Variants in SRCIN1 observed in about 807,000 individuals in gnomAD.
The protein encoded by SRCIN1 is SRC kinase signaling inhibitor 1, also known as P130Cas-associated protein.
In SRCIN1, 50 loss-of-function variants were observed where a neutral mutation model predicts 116.2. The ratio of observed to expected loss-of-function variants is 0.43; its 90% confidence interval spans 0.34 to 0.54. The LOEUF (loss-of-function observed/expected upper bound fraction) is 0.54. Among genes scored for constraint, SRCIN1 ranks in the 20% least tolerant of loss-of-function variants. The pLI is 0.02. For synonymous variants in SRCIN1, 736 were observed against 750.0 expected (o/e 0.98, Z 0.30); for missense variants, 1,446 against 1,672.0 (o/e 0.86, Z 2.36).
intron 2 of SRCIN1, among the ~76,000 whole-genome samples, chr17:38,577,561 C>A (rs1329456125): frequency 2.0e-5 from 3 of 152,222 alleles, no homozygotes; most frequent in Non-Finnish European, 4.4e-5. Context: ...GACACACCCC[C>A]AGGCTTGACT....
intron 3 of SRCIN1, among the ~76,000 whole-genome samples, chr17:38,567,705 C>A (rs1429920380): frequency 6.6e-6 from 1 of 152,130 alleles, no homozygotes; most frequent in African/African-American, 2.4e-5. Flanking sequence ...CTTAGCCCTC[C>A]ACTTAGACAA....
intron 2 of SRCIN1, 25 bp downstream of exon 2, chr17:38,578,465 C>T: frequency 4.8e-6 from 7 of 1,457,684 alleles, no homozygotes; most frequent in Non-Finnish European, 6.5e-6. Flanking sequence ...GCCGCAGCCG[C>T]AGCCGCAGCC....
In SRCIN1 at chr17:38,544,171, AG is replaced by A. The variant is rs1483084193; in HGVS notation, c.3271-203del. On this transcript the variant is annotated intron_variant, in intron 17 of 18. Coordinates refer to ENST00000617146, the MANE Select transcript of SRCIN1 (RefSeq NM_025248.3). This position sits in a 1 kb window ranked among gnomAD's most constrained non-coding sequence, Gnocchi z 4.5. ...CCCACTTATGGTCTCCCTGCAGGAG[AG>A]GGGTGGGGCCCAAGCCAGTTTCCCA... Among the ~76,000 whole-genome samples the A allele has an allele frequency of 6.6e-6, 1 of 151,924 alleles. No individual in the cohort carries two copies. Among genetic ancestry groups the A allele is most frequent in the Non-Finnish European group, 1.5e-5 (1 of 67,950 alleles).
chr17:38,535,270 G>T (rs1269525197), intron 18 of SRCIN1, among the ~76,000 whole-genome samples: 5 of 147,892 alleles, frequency 3.4e-5, no homozygotes, highest in African/African-American at 1.3e-4. Flanking sequence ...GTACAATGGC[G>T]CAATCTTGGC....
intron 18 of SRCIN1, 109 bp downstream of exon 18, chr17:38,543,714 G>C (rs893576662): frequency 1.6e-5 from 23 of 1,448,744 alleles, no homozygotes; most frequent in Non-Finnish European, 2.0e-5. Flanking sequence ...TGTCTGGGAA[G>C]AGGTTGGGAA....
intron 18 of SRCIN1, among the ~76,000 whole-genome samples, chr17:38,534,563 GAGA>G (rs1392865844): frequency 1.3e-5 from 2 of 152,194 alleles, no homozygotes; most frequent in Non-Finnish European, 2.9e-5. Context: ...CGAGTCACCA[GAGA>G]CCACCCTGAG....
chr17:38,536,630 C>T (rs146737949), intron 18 of SRCIN1, among the ~76,000 whole-genome samples: 7 of 152,340 alleles, frequency 4.6e-5, no homozygotes, highest in Non-Finnish European at 1.0e-4. Context: ...GCTGACTCCA[C>T]CTCCAGGGCC....
chr17:38,587,012 G>A (rs532234136), intron 1 of SRCIN1, among the ~76,000 whole-genome samples: 28 of 151,810 alleles, frequency 1.8e-4, no homozygotes, highest in African/African-American at 6.8e-4. Flanking sequence ...GGGGAGGGGG[G>A]CGGGCATCAG....
At position 38,559,646 on chromosome 17, in the gene SRCIN1, C is replaced by T. The variant is rs1159551411; in HGVS notation, c.1964G>A (p.Arg655Gln). The change falls in exon 10 of 19, where the codon CGA becomes CAA. Residue 655 changes from arginine (R) to glutamine (Q), a missense_variant. Around this residue, in one of 5 missense-constraint regions of SRCIN1, gnomAD observed 398 missense variants for 385.6 expected, o/e 1.03. Coordinates refer to ENST00000617146, the MANE Select transcript of SRCIN1 (RefSeq NM_025248.3). ...GTCACTGGCGCTGTTCTGCAGGCCT[C>T]GCAGGTGAAGCTGCATCTGCAGCCG... ...VSRLQMQLHL[R>Q]GLQNSASDLR... 1 of 1,602,924 alleles carries T rather than the reference C, an allele frequency of 6.2e-7. No homozygotes were observed.
At position 38,561,585 on chromosome 17, in the gene SRCIN1, C is replaced by T. The variant is rs1394481544; in HGVS notation, c.1578G>A (p.Lys526=). 2.5e-6 allele frequency: 4 copies of T among 1,602,182 alleles called. No homozygotes were observed. The highest frequency in any genetic ancestry group is 2.3e-5 in the East Asian group (1 of 43,740). The change falls in exon 7 of 19, where the codon AAG becomes AAA. Residue 526 remains lysine, a synonymous_variant. Coordinates refer to ENST00000617146, the MANE Select transcript of SRCIN1 (RefSeq NM_025248.3). ...SSVFAESPGG[K]TRSAGSASTA... is the part of the protein sequence containing the mutation. ...TCGAGGCGCTCCCCGCGCTGCGGGT[C>T]TTCCCTCCAGGACTCTCGGCAAAGA...
At chr17:38,559,470 G>A (rs1361432409) in intron 10 of SRCIN1, 115 bp downstream of exon 10, 2 of 1,109,618 alleles carry the variant, frequency 1.8e-6, no homozygotes, top group Admixed American at 5.1e-5. Context: ...GAAGGACTCG[G>A]GCGTGGAAGC....
At chr17:38,537,466 C>G (rs565045170) in intron 18 of SRCIN1, among the ~76,000 whole-genome samples, 1 of 151,468 alleles carries the variant, frequency 6.6e-6, no homozygotes, top group South Asian at 2.1e-4. Context: ...ATGCCACTGC[C>G]TGGGTGACAG....
At chr17:38,548,785 C>T in intron 16 of SRCIN1, 76 bp from the exon 17 acceptor site, 1 of 1,451,656 alleles carries the variant, frequency 6.9e-7, no homozygotes, top group Non-Finnish European at 9.1e-7. Flanking sequence ...GGCCCCATCG[C>T]CCATGTACCC....
At position 38,568,183 on chromosome 17, in the gene SRCIN1, CAT is replaced by C. The variant is rs774752216; in HGVS notation, c.345+26_345+27del. On this transcript the variant is annotated intron_variant, in intron 3 of 18. Coordinates refer to ENST00000617146, the MANE Select transcript of SRCIN1 (RefSeq NM_025248.3). This position sits in a 1 kb window ranked among gnomAD's most constrained non-coding sequence, Gnocchi z 4.5. ...GGGGAGGGAGAGCACATGCAGTTGT[CAT>C]GGGAGCAGAGGCATCACACACTGAC... 160 of 1,612,532 alleles carry C rather than the reference CAT, an allele frequency of 9.9e-5. No homozygotes were observed. Among genetic ancestry groups the C allele is most frequent in the Non-Finnish European group, 1.2e-4 (145 of 1,179,390 alleles).
At chr17:38,599,058 A>AT (rs954855166) in intron 1 of SRCIN1, among the ~76,000 whole-genome samples, 68 of 147,338 alleles carry the variant, frequency 4.6e-4, no homozygotes, top group African/African-American at 3.5e-4. Context: ...CCAAATCCCC[A>AT]TTTTTTTTTT....
intron 2 of SRCIN1, 21 bp downstream of exon 2, chr17:38,578,469 C>G: frequency 1.3e-6 from 2 of 1,554,096 alleles, no homozygotes; most frequent in Non-Finnish European, 1.7e-6. Context: ...CAGCCGCAGC[C>G]GCAGCCGGGA....
chr17:38,549,623 A>G (rs1886868398), intron 15 of SRCIN1, among the ~76,000 whole-genome samples: 1 of 152,086 alleles, frequency 6.6e-6, no homozygotes, highest in Non-Finnish European at 1.5e-5. Flanking sequence ...GCCTCGGCTC[A>G]GCTCTCCATC....
intron 2 of SRCIN1, among the ~76,000 whole-genome samples, chr17:38,571,772 AGAAAC>A (rs1907092875): frequency 6.6e-6 from 1 of 152,204 alleles, no homozygotes; most frequent in African/African-American, 2.4e-5. Context: ...CCACGCTGTG[AGAAAC>A]GGGGGAAAGG....
In SRCIN1 at chr17:38,543,834, C is replaced by T. The variant is rs200623829; in HGVS notation, c.3406G>A (p.Ala1136Thr). 91 of 1,606,562 alleles carry T rather than the reference C, an allele frequency of 5.7e-5. No homozygotes were observed. In the African/African-American group the frequency reaches 1.1e-3, roughly 20 times the overall value. ...KQRAEYMRIQ[A>T]QQQATKPSKE... Reference sequence around the variant, plus strand: ...GTCCCCGCCCTCACCTGCTGCTGGGCCTGGATCCGCATGTACTCGGCCCTC... The same window carrying T: ...GTCCCCGCCCTCACCTGCTGCTGGGTCTGGATCCGCATGTACTCGGCCCTC... The change falls in exon 18 of 19, where the codon GCC becomes ACC. Residue 1136 changes from alanine (A) to threonine (T), a missense_variant. Transcript: ENST00000617146.
Sources: gnomAD v4.1 joint callset for allele counts (sites outside exome capture counted in the v4.1 genomes callset) on GRCh38, gnomAD v4.1.1 for gene constraint, gnomAD v4.1.1 regional missense constraint, Gnocchi (gnomAD v3.1) non-coding constraint, MANE v1.5 for transcripts, NCBI Gene and HGNC (gene_info 2026-07-23, HGNC 2026-07-21) for gene names.